GRIK2: variants seen among roughly 807,000 people sequenced by gnomAD.
GRIK2 encodes glutamate ionotropic receptor kainate type subunit 2, also known as glutamate receptor ionotropic, kainate 2.
Under a neutral mutation model 100.3 loss-of-function variants are expected in GRIK2, and 32 were observed. The observed-to-expected ratio is 0.32, with a 90% CI of 0.24 to 0.43. The LOEUF is 0.43. Among genes scored for constraint, GRIK2 ranks in the 20% least tolerant of loss-of-function variants. The probability of loss-of-function intolerance (pLI) is 1.00; values close to 1 mark genes in which losing one functional copy is unlikely to be tolerated. For missense variants in GRIK2, 843 were observed against 1,114.9 expected, an observed-to-expected ratio of 0.76 and a Z score of 3.47; for synonymous variants, 417 against 389.4, an observed-to-expected ratio of 1.07 and a Z score of -0.83.
At chr6:101,673,926 C>A (rs1405516046) in intron 4 of GRIK2, among the ~76,000 whole-genome samples, 2 of 152,128 alleles carry the variant, frequency 1.3e-5, no homozygotes, top group Middle Eastern at 3.4e-3. Context: ...ATTGTTCTAC[C>A]CAATGTTGAG....
At chr6:101,436,672 G>T (rs1380767709) in intron 2 of GRIK2, among the ~76,000 whole-genome samples, 2 of 151,794 alleles carry the variant, frequency 1.3e-5, no homozygotes, top group Non-Finnish European at 2.9e-5. Flanking sequence ...TTCATTTTAT[G>T]TATAAATCTT....
At chr6:101,806,508 CCT>C (rs1479939494) in intron 9 of GRIK2, among the ~76,000 whole-genome samples, 2 of 151,920 alleles carry the variant, frequency 1.3e-5, no homozygotes, top group African/African-American at 4.8e-5. Flanking sequence ...CCCTGTCATC[CCT>C]CTGTTTAAAT....
intron 7 of GRIK2, among the ~76,000 whole-genome samples, chr6:101,757,930 A>G (rs910724521): frequency 1.7e-4 from 26 of 152,188 alleles, no homozygotes; most frequent in African/African-American, 6.3e-4. Context: ...TATTTTTGGC[A>G]TTAAGAAATA....
At chr6:101,495,846 A>C (rs1050432006) in intron 2 of GRIK2, among the ~76,000 whole-genome samples, 1 of 152,116 alleles carries the variant, frequency 6.6e-6, no homozygotes, top group African/African-American at 2.4e-5. Flanking sequence ...ACTAAATATT[A>C]AACTGATTTT....
intron 4 of GRIK2, among the ~76,000 whole-genome samples, chr6:101,655,108 T>A (rs1330421313): frequency 1.3e-5 from 2 of 152,194 alleles, no homozygotes; most frequent in African/African-American, 2.4e-5. Flanking sequence ...CACATTTCTC[T>A]GATTTTAAGG....
intron 2 of GRIK2, among the ~76,000 whole-genome samples, chr6:101,535,684 C>T (rs760618411): frequency 4.0e-5 from 6 of 151,622 alleles, no homozygotes; most frequent in Non-Finnish European, 5.9e-5. Context: ...ACTTAAGGAG[C>T]AATTGTTGTA....
chr6:101,481,744 G>A (rs1772540996), intron 2 of GRIK2, among the ~76,000 whole-genome samples: 2 of 152,072 alleles, frequency 1.3e-5, no homozygotes, highest in Non-Finnish European at 1.5e-5. Flanking sequence ...TCTAATCAGT[G>A]AGTGATATGG....
intron 2 of GRIK2, among the ~76,000 whole-genome samples, chr6:101,421,069 A>G (rs1368110907): frequency 6.6e-6 from 1 of 152,040 alleles, no homozygotes; most frequent in African/African-American, 2.4e-5. Context: ...ATCTCCAAGG[A>G]TGGCTCTGTT....
At position 101,995,203 on chromosome 6, in the gene GRIK2, T is replaced by C. The variant is rs570303120; in HGVS notation, c.2086-40138T>C. On this transcript the variant is annotated intron_variant, in intron 14 of 16. Transcript: ENST00000369134. ...TGAGAACAGAGAGTAACTTGCTTGA[T>C]GGAAACTGAGTCAGATTGGGTGCTT... Among the ~76,000 whole-genome samples, 4 of 152,040 alleles carry C rather than the reference T, an allele frequency of 2.6e-5. No homozygotes were observed. In the East Asian group the frequency reaches 7.8e-4, roughly 30 times the overall value.
At chr6:101,491,651 G>A (rs1336543129) in intron 2 of GRIK2, among the ~76,000 whole-genome samples, 1 of 151,960 alleles carries the variant, frequency 6.6e-6, no homozygotes, top group Non-Finnish European at 1.5e-5. Context: ...GCATTTGAAT[G>A]TAAGTTGTTG....
intron 2 of GRIK2, among the ~76,000 whole-genome samples, chr6:101,541,388 A>T (rs1384168204): frequency 2.4e-5 from 1 of 41,634 alleles, no homozygotes; most frequent in Non-Finnish European, 8.3e-5. Flanking sequence ...ACACACACAC[A>T]CACACACACA....
At chr6:101,771,451 G>A (rs943896650) in intron 7 of GRIK2, among the ~76,000 whole-genome samples, 8 of 151,364 alleles carry the variant, frequency 5.3e-5, no homozygotes, top group Admixed American at 1.3e-4. Flanking sequence ...GCCCAGTTCT[G>A]GACTCATTAT....
At chr6:101,402,812 G>T (rs1264002658) in intron 2 of GRIK2, among the ~76,000 whole-genome samples, 1 of 152,198 alleles carries the variant, frequency 6.6e-6, no homozygotes, top group Non-Finnish European at 1.5e-5. Context: ...GGCATCCAGC[G>T]CGTCCCAGCG....
intron 2 of GRIK2, among the ~76,000 whole-genome samples, chr6:101,582,408 T>C (rs911512692): frequency 1.3e-5 from 2 of 152,012 alleles, no homozygotes; most frequent in South Asian, 2.1e-4. Context: ...GATAAAGAGA[T>C]TTGATGATTT....
chr6:101,669,440 C>G lies in GRIK2; in HGVS notation c.542-7183C>G, dbSNP rs1582928025. Among the ~76,000 whole-genome samples the G allele has an allele frequency of 3.3e-5, 5 of 152,178 alleles. 1 individual carries two copies. The Middle Eastern group carries it at 0.014, about 414-fold the overall frequency. On this transcript the variant is annotated intron_variant, in intron 4 of 16. Transcript: ENST00000369134. ...GGATAGGAAGACATATAAACCATCT[C>G]AATTATTTTGAGAGACTTATTTTTT...
chr6:101,572,903 C>CAGTG (rs1777620391), intron 2 of GRIK2, among the ~76,000 whole-genome samples: 1 of 151,518 alleles, frequency 6.6e-6, no homozygotes. Context: ...GGCTGCACTG[C>CAGTG]AGTGACACGA....
At chr6:101,784,410 G>A (rs1028989664) in intron 7 of GRIK2, among the ~76,000 whole-genome samples, 12 of 152,234 alleles carry the variant, frequency 7.9e-5, no homozygotes, top group African/African-American at 2.4e-4. Flanking sequence ...GCTTATTGGC[G>A]GAAGGGACTT....
At chr6:101,744,945 C>T (rs1342868620) in intron 7 of GRIK2, 2 of 151,978 alleles carry the variant, frequency 1.3e-5, no homozygotes, top group East Asian at 3.9e-4. Flanking sequence ...TTTGCAACTG[C>T]AAATTGTGAG....
chr6:101,421,207 C>T (rs1776396734), intron 2 of GRIK2, among the ~76,000 whole-genome samples: 2 of 152,208 alleles, frequency 1.3e-5, no homozygotes, highest in East Asian at 3.9e-4. Context: ...TGATCTGCTG[C>T]TACCTTCTGC....
Sources: allele counts gnomAD v4.1 joint callset (sites outside exome capture counted in the v4.1 genomes callset), GRCh38; gene constraint gnomAD v4.1.1; transcripts MANE v1.5; gene names NCBI Gene and HGNC (gene_info 2026-07-23, HGNC 2026-07-21).